Variants in APBA2 observed in about 807,000 individuals in gnomAD.
APBA2 encodes the protein amyloid beta precursor protein binding family A member 2.
A neutral mutation model predicts 75.0 loss-of-function variants in APBA2; 30 were observed. The ratio of observed to expected loss-of-function variants is 0.40; its 90% CI spans 0.30 to 0.54. The LOEUF (loss-of-function observed/expected upper bound fraction) is 0.54. APBA2 is among the 20% of genes least tolerant of loss of function. APBA2 has a pLI of 0.49. For synonymous variants in APBA2, 444 were observed against 409.6 expected, an observed-to-expected ratio of 1.08 and a Z score of -1.01; for missense variants, 801 against 1,016.1, an observed-to-expected ratio of 0.79 and a Z score of 2.88.
At chr15:29,116,600 C>G (rs1033778600) in intron 14 of APBA2, among the ~76,000 whole-genome samples, 5 of 150,940 alleles carry the variant, frequency 3.3e-5, no homozygotes, top group Non-Finnish European at 5.9e-5. Context: ...TGCACTCCAG[C>G]CTGGGCGACA....
chr15:29,085,049 C>T (rs984361340), intron 6 of APBA2, among the ~76,000 whole-genome samples: 1 of 152,080 alleles, frequency 6.6e-6, no homozygotes, highest in African/African-American at 2.4e-5. Flanking sequence ...TTGTCTAGAT[C>T]TAGTAATTGA....
At chr15:28,962,407 T>C (rs2036524045) in intron 2 of APBA2, among the ~76,000 whole-genome samples, 1 of 151,620 alleles carries the variant, frequency 6.6e-6, no homozygotes, top group Non-Finnish European at 1.5e-5. Flanking sequence ...CCATCTCTAC[T>C]AAAAATACAA....
intron 2 of APBA2, among the ~76,000 whole-genome samples, chr15:28,995,341 C>A (rs995795381): frequency 6.6e-6 from 1 of 152,142 alleles, no homozygotes; most frequent in Non-Finnish European, 1.5e-5. Flanking sequence ...GTCCTCTCCC[C>A]GCCCACCCCC....
intron 3 of APBA2, among the ~76,000 whole-genome samples, chr15:29,031,560 C>T (rs2040488736): frequency 6.6e-6 from 1 of 152,130 alleles, no homozygotes; most frequent in African/African-American, 2.4e-5. Flanking sequence ...ACCTCTGCCT[C>T]CCCGGTTCAA....
rs541243078 is a variant in APBA2 at position 29,041,664 on chromosome 15, G to T, written c.-40-12181G>T. On this transcript the variant is annotated intron_variant, in intron 3 of 14. Coordinates refer to ENST00000683413, the MANE Select transcript of APBA2 (RefSeq NM_001353788.2). ...GGAAAGATATATTTATATTTTGGAAGATTCAGTATAGTTGTGAATTCTCCC... is the reference window on the plus strand; with the variant it reads ...GGAAAGATATATTTATATTTTGGAATATTCAGTATAGTTGTGAATTCTCCC... Among the ~76,000 whole-genome samples, 5 of 152,162 alleles carry T rather than the reference G, an allele frequency of 3.3e-5. No individual in the cohort carries two copies. The South Asian group carries it at 8.3e-4, about 25-fold the overall frequency.
chr15:29,044,905 G>A (rs946266356), intron 3 of APBA2, among the ~76,000 whole-genome samples: 1 of 152,132 alleles, frequency 6.6e-6, no homozygotes, highest in Non-Finnish European at 1.5e-5. Flanking sequence ...CTGTGATCAA[G>A]GTATGGGCAG....
At chr15:28,959,729 A>G (rs909227092) in intron 2 of APBA2, among the ~76,000 whole-genome samples, 6 of 152,224 alleles carry the variant, frequency 3.9e-5, no homozygotes, top group African/African-American at 1.4e-4. Flanking sequence ...AGCAATCTTC[A>G]TGGACTGCTC....
chr15:29,093,424 C>T (rs1382370231), intron 7 of APBA2, among the ~76,000 whole-genome samples: 2 of 152,240 alleles, frequency 1.3e-5, no homozygotes, highest in African/African-American at 4.8e-5. Context: ...AGGCAACCAG[C>T]TCCTTAACAA....
At chr15:29,052,454 C>G (rs915513106) in intron 3 of APBA2, among the ~76,000 whole-genome samples, 1 of 103,192 alleles carries the variant, frequency 9.7e-6, no homozygotes, top group East Asian at 2.6e-4. Flanking sequence ...GACTCCATCT[C>G]AAAAAAAAAA....
At chr15:28,939,973 T>G (rs1244594544) in intron 2 of APBA2, among the ~76,000 whole-genome samples, 1 of 152,124 alleles carries the variant, frequency 6.6e-6, no homozygotes, top group Admixed American at 6.5e-5. Flanking sequence ...GTGCGCTCCA[T>G]CTCCGTGCTT....
At chr15:29,113,824 G>C in intron 13 of APBA2, 52 bp from the exon 14 acceptor site, 1 of 1,595,078 alleles carries the variant, frequency 6.3e-7, no homozygotes, top group Non-Finnish European at 8.6e-7. Context: ...GTGGTGGAGC[G>C]CCTGTCGGGT....
chr15:28,888,473 C>T (rs2031905575), intron 1 of APBA2, among the ~76,000 whole-genome samples: 1 of 152,080 alleles, frequency 6.6e-6, no homozygotes, highest in South Asian at 2.1e-4. Flanking sequence ...TCAGAGACCC[C>T]CTCGAGGCCT....
chr15:29,041,767 T>G (rs1372388395), intron 3 of APBA2, among the ~76,000 whole-genome samples: 2 of 152,128 alleles, frequency 1.3e-5, no homozygotes, highest in Admixed American at 6.5e-5. Context: ...GATAATGGGA[T>G]TCTAAAATTT....
chr15:29,014,013 C>T (rs1018590002), intron 3 of APBA2, among the ~76,000 whole-genome samples: 5 of 152,226 alleles, frequency 3.3e-5, no homozygotes, highest in Middle Eastern at 3.2e-3. Flanking sequence ...GATATTTTTA[C>T]ATCCCCTTCA....
intron 2 of APBA2, among the ~76,000 whole-genome samples, chr15:28,923,236 C>T (rs2034071945): frequency 6.6e-6 from 1 of 152,172 alleles, no homozygotes; most frequent in Non-Finnish European, 1.5e-5. Context: ...CGCCCCTGCC[C>T]TGCCCACTCC....
At chr15:28,924,096 C>G (rs2034127235) in intron 2 of APBA2, among the ~76,000 whole-genome samples, 1 of 152,178 alleles carries the variant, frequency 6.6e-6, no homozygotes, top group South Asian at 2.1e-4. Flanking sequence ...CAGTGTCCCA[C>G]GAGGACAGAC....
chr15:28,947,993 A>G (rs138804119), intron 2 of APBA2, among the ~76,000 whole-genome samples: 1 of 152,348 alleles, frequency 6.6e-6, no homozygotes, highest in African/African-American at 2.4e-5. Flanking sequence ...TCGTGGCTCT[A>G]GGTTGGCCTT....
chr15:28,893,761 G>T (rs1350032329), intron 1 of APBA2: 3 of 152,230 alleles, frequency 2.0e-5, no homozygotes, highest in African/African-American at 4.8e-5. Flanking sequence ...TTTGAGAGCA[G>T]AAGCCCCTCC....
chr15:28,916,530 C>T (rs1469604726), intron 1 of APBA2, among the ~76,000 whole-genome samples: 4 of 152,222 alleles, frequency 2.6e-5, no homozygotes, highest in South Asian at 2.1e-4. Context: ...CCTCTCTCCC[C>T]GCTCCCCTCC....
Sources: gnomAD v4.1 joint callset for allele counts (sites outside exome capture counted in the v4.1 genomes callset) on GRCh38, gnomAD v4.1.1 for gene constraint, MANE v1.5 for transcripts, NCBI Gene and HGNC (gene_info 2026-07-23, HGNC 2026-07-21) for gene names.